RAPGEF6: variants seen among roughly 807,000 people sequenced by gnomAD.
RAPGEF6 encodes the protein Rap guanine nucleotide exchange factor 6.
RAPGEF6 carries 56 observed loss-of-function variants against 171.4 expected under a neutral mutation model. The ratio of observed to expected loss-of-function variants is 0.33; its 90% CI spans 0.26 to 0.41. The LOEUF is 0.41. Ranked by LOEUF, RAPGEF6 falls within the 10% of genes least tolerant of loss-of-function variation. The pLI is 1.00. For synonymous variants in RAPGEF6, 692 were observed against 650.1 expected (o/e 1.06, Z -0.98); for missense variants, 1,674 against 1,921.4 (o/e 0.87, Z 2.41).
intron 11 of RAPGEF6, among the ~76,000 whole-genome samples, chr5:131,499,130 A>G (rs961204416): frequency 4.6e-5 from 7 of 152,206 alleles, no homozygotes; most frequent in Non-Finnish European, 7.3e-5. Context: ...CTGTTTCATT[A>G]TTGTTACTTC....
chr5:131,583,491 C>T (rs993154260), intron 4 of RAPGEF6, among the ~76,000 whole-genome samples: 1 of 152,206 alleles, frequency 6.6e-6, no homozygotes, highest in African/African-American at 2.4e-5. Flanking sequence ...GCATTCTTAA[C>T]TTAAACATTC....
Position 131,498,567 on chromosome 5 carries a change from T to C in RAPGEF6, c.1295A>G (p.His432Arg), listed in dbSNP as rs1434418967. ...TATATAAGTTGGATCCACGATGGAATGTTCTTCTATTAAATGCATTATGAG... is the reference window on the plus strand; with the variant it reads ...TATATAAGTTGGATCCACGATGGAACGTTCTTCTATTAAATGCATTATGAG... ...ERLIMHLIEE[H>R]SIVDPTYIED... The change falls in exon 12 of 28, where the codon CAT becomes CGT. Residue 432 changes from histidine to arginine, a missense_variant. His to Arg is a conservative substitution (Grantham distance 29). Transcript: ENST00000509018. 2 of 1,613,764 alleles carry C rather than the reference T, an allele frequency of 1.2e-6. No individual in the cohort carries two copies. The highest frequency in any genetic ancestry group is 2.7e-5 in the African/African-American group (2 of 74,914).
intron 18 of RAPGEF6, 124 bp downstream of exon 18, chr5:131,463,917 G>A (rs1215000986): frequency 1.3e-5 from 18 of 1,422,608 alleles, no homozygotes; most frequent in East Asian, 4.8e-5. Flanking sequence ...TTTATCAAGC[G>A]TCTTCTGGAG....
At chr5:131,506,585 T>C (rs184049804) in intron 9 of RAPGEF6, among the ~76,000 whole-genome samples, 26 of 152,308 alleles carry the variant, frequency 1.7e-4, no homozygotes, top group Admixed American at 1.7e-3. Flanking sequence ...TCAATGGCAA[T>C]AAGGTATTTT....
chr5:131,492,168 T>G (rs1756327887), intron 14 of RAPGEF6, among the ~76,000 whole-genome samples: 2 of 152,196 alleles, frequency 1.3e-5, no homozygotes, highest in Non-Finnish European at 2.9e-5. Flanking sequence ...ACCATAACCT[T>G]CAGTAATCTG....
intron 22 of RAPGEF6, among the ~76,000 whole-genome samples, chr5:131,442,967 T>G (rs1752480820): frequency 6.6e-6 from 1 of 151,902 alleles, no homozygotes; most frequent in Admixed American, 6.6e-5. Context: ...TTTTTGTTTT[T>G]TTTAAGACAG....
intron 17 of RAPGEF6, among the ~76,000 whole-genome samples, chr5:131,468,471 A>G (rs1754527687): frequency 6.7e-6 from 1 of 149,938 alleles, no homozygotes; most frequent in African/African-American, 2.4e-5. Flanking sequence ...TAGAGAGCTA[A>G]TTTATAAATC....
rs762539169 is a variant in RAPGEF6, at chr5:131,605,430, C to T, written c.70-737G>A. Among the ~76,000 whole-genome samples, 7 of 152,296 alleles carry T rather than the reference C, an allele frequency of 4.6e-5. No individual in the cohort carries two copies. The South Asian group carries it at 1.0e-3, about 23-fold the overall frequency. ...ATGGGTGCAGCACACCAACATGGCA[C>T]ATGTATACATATGTAACTAACCTGC... On this transcript the variant is annotated intron_variant, in intron 1 of 27. Coordinates refer to ENST00000509018, the MANE Select transcript of RAPGEF6 (RefSeq NM_016340.6).
intron 5 of RAPGEF6, among the ~76,000 whole-genome samples, chr5:131,557,618 GT>G (rs1761321177): frequency 6.6e-6 from 1 of 152,122 alleles, no homozygotes; most frequent in Admixed American, 6.5e-5. Context: ...ATTCCCAAAT[GT>G]TGGGAGAAAG....
chr5:131,614,828 C>T (rs932002566), intron 1 of RAPGEF6, among the ~76,000 whole-genome samples: 1 of 152,196 alleles, frequency 6.6e-6, no homozygotes, highest in African/African-American at 2.4e-5. Flanking sequence ...CAAGCCTAGC[C>T]CCAAGTCTGG....
At chr5:131,525,132 A>G (rs1286308484) in intron 6 of RAPGEF6, among the ~76,000 whole-genome samples, 1 of 152,220 alleles carries the variant, frequency 6.6e-6, no homozygotes, top group Non-Finnish European at 1.5e-5. Flanking sequence ...ATACACGAAA[A>G]CAGAACAAGT....
At chr5:131,550,215 C>G (rs1270656544) in intron 5 of RAPGEF6, among the ~76,000 whole-genome samples, 1 of 152,144 alleles carries the variant, frequency 6.6e-6, no homozygotes, top group Non-Finnish European at 1.5e-5. Flanking sequence ...GCATGTTCCT[C>G]TCCAATTCTA....
intron 9 of RAPGEF6, among the ~76,000 whole-genome samples, chr5:131,506,122 T>C (rs1757357439): frequency 6.6e-6 from 1 of 152,218 alleles, no homozygotes; most frequent in African/African-American, 2.4e-5. Context: ...TATGGAAATA[T>C]TTAATGCTCT....
intron 1 of RAPGEF6, among the ~76,000 whole-genome samples, chr5:131,617,299 C>T (rs1006360546): frequency 5.6e-5 from 5 of 88,796 alleles, no homozygotes; most frequent in African/African-American, 1.5e-4. Context: ...GCACCACACA[C>T]ACACACACAA....
At chr5:131,549,708 GTCTC>G (rs1026344894) in intron 5 of RAPGEF6, among the ~76,000 whole-genome samples, 21 of 151,926 alleles carry the variant, frequency 1.4e-4, no homozygotes, top group Non-Finnish European at 1.9e-4. Context: ...TGTGAATATG[GTCTC>G]TCTCTTTTTT....
chr5:131,521,780 C>G (rs1482463602), intron 6 of RAPGEF6, among the ~76,000 whole-genome samples: 1 of 149,684 alleles, frequency 6.7e-6, no homozygotes, highest in Non-Finnish European at 1.5e-5. Context: ...AAAACTTGGC[C>G]CTTCTATCCT....
chr5:131,464,363 GA>G, intron 17 of RAPGEF6, 82 bp from the exon 18 acceptor site: 1 of 1,028,774 alleles, frequency 9.7e-7, no homozygotes, highest in African/African-American at 1.6e-5. Flanking sequence ...GAAACACAGT[GA>G]TCCCTCTGAA....
At chr5:131,608,944 T>TTTTA (rs1317595359) in intron 1 of RAPGEF6, among the ~76,000 whole-genome samples, 3 of 152,062 alleles carry the variant, frequency 2.0e-5, no homozygotes, top group African/African-American at 4.8e-5. Context: ...GCCCATTTAG[T>TTTTA]TTTATTTATT....
chr5:131,459,184 A>C lies in RAPGEF6; in HGVS notation c.2864+2521T>G, dbSNP rs2149831991. ...TAAACCCAAATATGTGTTAGATTTC[A>C]GTACATAATAGATGGCATTGCATAT... On this transcript the variant is annotated intron_variant, in intron 19 of 27. Transcript: ENST00000509018. Among the ~76,000 whole-genome samples, 4 of 152,360 alleles carry C rather than the reference A, an allele frequency of 2.6e-5. No homozygotes were observed. The Middle Eastern group carries it at 0.014, about 518-fold the overall frequency.
Sources: gnomAD v4.1 joint callset for allele counts (sites outside exome capture counted in the v4.1 genomes callset) on GRCh38, gnomAD v4.1.1 for gene constraint, MANE v1.5 for transcripts, NCBI Gene and HGNC (gene_info 2026-07-23, HGNC 2026-07-21) for gene names.